Variants in KIDINS220 observed in about 807,000 individuals in gnomAD.
KIDINS220 encodes kinase D-interacting substrate of 220 kDa.
In KIDINS220, 63 loss-of-function variants were observed where a neutral mutation model predicts 157.6. That is an observed-to-expected ratio of 0.40 (90% CI 0.33 to 0.49). The LOEUF (loss-of-function observed/expected upper bound fraction) is 0.49. KIDINS220 is among the 20% of genes least tolerant of loss of function. The pLI, the probability that KIDINS220 is intolerant of heterozygous loss-of-function variation, is 0.66. For synonymous variants in KIDINS220, 732 were observed against 783.6 expected (o/e 0.93, Z 1.10); for missense variants, 1,772 against 2,171.2 (o/e 0.82, Z 3.65).
intron 9 of KIDINS220, among the ~76,000 whole-genome samples, chr2:8,798,605 A>T (rs1192666511): frequency 6.6e-6 from 1 of 152,248 alleles, no homozygotes; most frequent in African/African-American, 2.4e-5. Context: ...TGAACCCTGT[A>T]AACTCAGACA....
chr2:8,770,605 CGT>C, intron 22 of KIDINS220, 63 bp downstream of exon 22: 2 of 782,482 alleles, frequency 2.6e-6, no homozygotes, highest in Non-Finnish European at 4.0e-6. Context: ...GCTTTATACG[CGT>C]TTTTTTTTTT....
At chr2:8,756,072 T>C (rs1667973842) in intron 22 of KIDINS220, among the ~76,000 whole-genome samples, 3 of 152,238 alleles carry the variant, frequency 2.0e-5, no homozygotes, top group South Asian at 2.1e-4. Context: ...TCAGGTAGTA[T>C]TGACATCCTA....
intron 26 of KIDINS220, among the ~76,000 whole-genome samples, chr2:8,742,880 G>C (rs530907838): frequency 6.6e-6 from 1 of 152,196 alleles, no homozygotes; most frequent in Non-Finnish European, 1.5e-5. Context: ...AAAAATGAAA[G>C]GATGAAGAAA....
intron 25 of KIDINS220, chr2:8,747,540 A>C: frequency 2.4e-6 from 1 of 417,138 alleles, no homozygotes; most frequent in Non-Finnish European, 4.4e-6. Context: ...TAATATTTAC[A>C]TACTATAAAG....
At chr2:8,727,674 C>T (rs751046201), downstream of KIDINS220, among the ~76,000 whole-genome samples, 1 of 152,112 alleles carries the variant, frequency 6.6e-6, no homozygotes, top group Non-Finnish European at 1.5e-5. Flanking sequence ...AAAAAGGTCT[C>T]GAGAGTAGCA....
downstream of KIDINS220, among the ~76,000 whole-genome samples, chr2:8,728,350 CAAA>C (rs1484030841): frequency 6.8e-6 from 1 of 146,116 alleles, no homozygotes; most frequent in Non-Finnish European, 1.5e-5. Flanking sequence ...AACAAACAAA[CAAA>C]ACCACAAAAA....
chr2:8,804,728 T>C (rs1465081121), intron 7 of KIDINS220, among the ~76,000 whole-genome samples: 2 of 152,238 alleles, frequency 1.3e-5, no homozygotes, highest in African/African-American at 2.4e-5. Context: ...CAATTTGTAC[T>C]ACGTATAGGA....
At chr2:8,744,440 A>G (rs1279031453) in intron 26 of KIDINS220, among the ~76,000 whole-genome samples, 1 of 107,290 alleles carries the variant, frequency 9.3e-6, no homozygotes, top group African/African-American at 3.7e-5. Context: ...ATATATATAT[A>G]TATATGGGAT....
At chr2:8,747,493 T>G (rs1336459070) in intron 25 of KIDINS220, 1 of 480,942 alleles carries the variant, frequency 2.1e-6, no homozygotes, top group Non-Finnish European at 3.7e-6. Context: ...GAAATGTTCT[T>G]CCTTCAATAC....
intron 4 of KIDINS220, among the ~76,000 whole-genome samples, chr2:8,814,849 A>G (rs1676828379): frequency 6.6e-6 from 1 of 152,220 alleles, no homozygotes; most frequent in South Asian, 2.1e-4. Context: ...GGGTACACCA[A>G]GAAAAGCACA....
chr2:8,802,068 G>A (rs573920376), intron 8 of KIDINS220, among the ~76,000 whole-genome samples: 6 of 152,314 alleles, frequency 3.9e-5, no homozygotes, highest in African/African-American at 1.4e-4. Context: ...CAAGCTCAGT[G>A]CATTCAAGAA....
intron 2 of KIDINS220, among the ~76,000 whole-genome samples, chr2:8,824,452 G>A (rs770977506): frequency 1.1e-4 from 16 of 152,020 alleles, no homozygotes; most frequent in South Asian, 6.2e-4. Flanking sequence ...AGGTCGAGGC[G>A]GGCAGACAGA....
chr2:8,819,978 T>C (rs865815179), intron 2 of KIDINS220, among the ~76,000 whole-genome samples: 1 of 152,182 alleles, frequency 6.6e-6, no homozygotes, highest in African/African-American at 2.4e-5. Flanking sequence ...ACTTACTACA[T>C]GTATATTAGT....
intron 24 of KIDINS220, among the ~76,000 whole-genome samples, chr2:8,748,546 A>T (rs182143725): frequency 7.2e-5 from 11 of 152,264 alleles, no homozygotes; most frequent in East Asian, 3.9e-4. Context: ...TATTTTTTTT[A>T]AAAAACGTGG....
intron 22 of KIDINS220, among the ~76,000 whole-genome samples, chr2:8,766,946 T>C (rs761456147): frequency 6.6e-6 from 1 of 152,222 alleles, no homozygotes; most frequent in Admixed American, 6.5e-5. Flanking sequence ...AAATGCACAT[T>C]GAATGGTCAA....
rs1038074909 is a variant in KIDINS220, at chr2:8,730,131, G to C, written c.*589C>G. The stretch of plus-strand genomic sequence containing the variant: ...ACTGCCAGCCCTGGTGACTCACTTT[G>C]TTGGCAATTTTTAAAGCCCTCTTCA... On this transcript the variant is annotated 3_prime_UTR_variant, in exon 30 of 30. Transcript: ENST00000256707. 1.0e-6 allele frequency: 1 copy of C among 985,880 alleles called. No individual in the cohort carries two copies. The highest frequency in any genetic ancestry group is 4.7e-5 in the South Asian group (1 of 21,294). 61.1% of individuals were successfully genotyped at this position (985,880 alleles called of 1,614,324 possible).
At chr2:8,726,989 A>AT, downstream of KIDINS220, 1 of 1,211,778 alleles carries the variant, frequency 8.3e-7, no homozygotes, top group Non-Finnish European at 1.1e-6. Context: ...TAAATTCTCT[A>AT]TTTAATCAGT....
At chr2:8,749,323 G>A (rs779509275) in intron 24 of KIDINS220, 3 of 435,602 alleles carry the variant, frequency 6.9e-6, no homozygotes, top group Non-Finnish European at 9.2e-6. Flanking sequence ...ATGTTTTCTC[G>A]AATTAGACTA....
At chr2:8,827,753 T>C (rs1679027319) in intron 1 of KIDINS220, among the ~76,000 whole-genome samples, 1 of 152,218 alleles carries the variant, frequency 6.6e-6, no homozygotes, top group Non-Finnish European at 1.5e-5. Context: ...GATTTGATCA[T>C]TCCACAATGG....
Sources: allele counts gnomAD v4.1 joint callset (sites outside exome capture counted in the v4.1 genomes callset), GRCh38; gene constraint gnomAD v4.1.1; transcripts MANE v1.5; gene names NCBI Gene and HGNC (gene_info 2026-07-23, HGNC 2026-07-21).